CYP7B1: variants seen among roughly 807,000 people sequenced by gnomAD.
CYP7B1 encodes the protein cytochrome P450 family 7 subfamily B member 1, also known as cytochrome P450 7B1.
In CYP7B1, 29 loss-of-function variants were observed where a neutral mutation model predicts 42.7. That is an observed-to-expected ratio of 0.68 (90% CI 0.51 to 0.93). The LOEUF is 0.93. Among genes scored for constraint, CYP7B1 ranks in the 40% least tolerant of loss-of-function variants. The pLI, the probability that CYP7B1 is intolerant of heterozygous loss-of-function variation, is 0.00. For synonymous variants in CYP7B1, 235 were observed against 218.2 expected, an observed-to-expected ratio of 1.08 and a Z score of -0.68; for missense variants, 655 against 600.5, an observed-to-expected ratio of 1.09 and a Z score of -0.95.
intron 1 of CYP7B1, among the ~76,000 whole-genome samples, chr8:64,631,962 T>C (rs188544658): frequency 6.6e-6 from 1 of 152,324 alleles, no homozygotes; most frequent in Non-Finnish European, 1.5e-5. Context: ...TTGTACACTA[T>C]TGGTGGGACT....
Position 64,798,643 on chromosome 8 carries a change from T to C in CYP7B1, c.-56A>G. 1 of 1,432,030 alleles carries C rather than the reference T, an allele frequency of 7.0e-7. No homozygotes were observed. The allele number at this position is 1,432,030 out of a possible 1,614,324, so 88.7% of individuals were successfully genotyped here. On this transcript the variant is annotated 5_prime_UTR_variant, in exon 1 of 6. Coordinates refer to ENST00000310193, the MANE Select transcript of CYP7B1 (RefSeq NM_004820.5). ...CGGGGTCTGCCTGCGAACAGCGCGGTCGGCGACTCTGCAGCCTGCGGCGGC... is the reference window on the plus strand; with the variant it reads ...CGGGGTCTGCCTGCGAACAGCGCGGCCGGCGACTCTGCAGCCTGCGGCGGC...
At chr8:64,777,560 T>C (rs1323065331) in intron 1 of CYP7B1, among the ~76,000 whole-genome samples, 2 of 152,122 alleles carry the variant, frequency 1.3e-5, no homozygotes, top group African/African-American at 4.8e-5. Context: ...TATTTATTGA[T>C]GCAAAAGAAA....
intron 1 of CYP7B1, among the ~76,000 whole-genome samples, chr8:64,693,305 G>A (rs559727345): frequency 9.8e-5 from 15 of 152,312 alleles, no homozygotes; most frequent in South Asian, 2.1e-4. Context: ...ATATGTGTGC[G>A]TCCGTGTGTG....
chr8:64,750,206 A>C (rs987134904), intron 1 of CYP7B1, among the ~76,000 whole-genome samples: 21 of 152,204 alleles, frequency 1.4e-4, no homozygotes, highest in African/African-American at 5.1e-4. Flanking sequence ...AAATAAGAGT[A>C]AAGTTTCAGG....
intron 1 of CYP7B1, among the ~76,000 whole-genome samples, chr8:64,705,595 G>A (rs1185639857): frequency 6.6e-6 from 1 of 151,824 alleles, no homozygotes; most frequent in Non-Finnish European, 1.5e-5. Flanking sequence ...GATTTTTTGG[G>A]GGTGAGGGGA....
At chr8:64,745,891 C>A (rs138907952) in intron 1 of CYP7B1, among the ~76,000 whole-genome samples, 1 of 152,126 alleles carries the variant, frequency 6.6e-6, no homozygotes, top group Admixed American at 6.6e-5. Context: ...TCATCTAAAG[C>A]GTCCCTTTGC....
Position 64,596,827 on chromosome 8 carries a change from T to C in CYP7B1, c.1336A>G (p.Thr446Ala). The change falls in exon 6 of 6, where the codon ACC becomes GCC. Residue 446 changes from threonine to alanine, a missense_variant. Thr to Ala is a moderately conservative substitution (Grantham distance 58, BLOSUM62 0). Coordinates refer to ENST00000310193, the MANE Select transcript of CYP7B1 (RefSeq NM_004820.5). ...AAAAATCGGCCTGGACATTTGCTGG[T>C]TCCAGTTCCAAACGGCATTAGGTAA... Reference protein sequence around the residue: ...KCYLMPFGTGTSKCPGRFFAL... With the variant: ...KCYLMPFGTGASKCPGRFFAL... 6.2e-7 allele frequency: 1 copy of C among 1,614,116 alleles called. No individual in the cohort carries two copies. Among genetic ancestry groups the C allele is most frequent in the East Asian group, 2.2e-5 (1 of 44,858 alleles).
chr8:64,794,968 G>A (rs984729289), intron 1 of CYP7B1, among the ~76,000 whole-genome samples: 6 of 152,118 alleles, frequency 3.9e-5, no homozygotes, highest in African/African-American at 1.4e-4. Context: ...TGGCAAGGAT[G>A]TGGAGCAACG....
intron 2 of CYP7B1, among the ~76,000 whole-genome samples, chr8:64,620,644 G>A (rs1805515495): frequency 1.3e-5 from 2 of 152,216 alleles, no homozygotes; most frequent in African/African-American, 4.8e-5. Context: ...TATGAGACAA[G>A]AGCGGAAGAC....
At chr8:64,782,173 G>A (rs1294606779) in intron 1 of CYP7B1, among the ~76,000 whole-genome samples, 1 of 152,138 alleles carries the variant, frequency 6.6e-6, no homozygotes, top group African/African-American at 2.4e-5. Context: ...AGGTCCCAGT[G>A]TAGGGAAAGA....
intron 1 of CYP7B1, among the ~76,000 whole-genome samples, chr8:64,716,527 T>C (rs1476053549): frequency 6.6e-6 from 1 of 151,898 alleles, no homozygotes; most frequent in Non-Finnish European, 1.5e-5. Flanking sequence ...GCCAACATGG[T>C]GAAACCCCAT....
chr8:64,637,685 C>G (rs1021483519), intron 1 of CYP7B1, among the ~76,000 whole-genome samples: 1 of 152,122 alleles, frequency 6.6e-6, no homozygotes, highest in African/African-American at 2.4e-5. Flanking sequence ...TTGCAGTGTC[C>G]TTTGCTTAGG....
rs1165988320 is a variant in CYP7B1 at position 64,604,761 on chromosome 8, TAGTCCCCGGTCTCTGAACTGAG to T, written c.1132_1153del (p.Leu378ThrfsTer9). 3 of 1,614,034 alleles carry T rather than the reference TAGTCCCCGGTCTCTGAACTGAG, an allele frequency of 1.9e-6. No homozygotes were observed. Among genetic ancestry groups the T allele is most frequent in the African/African-American group, 2.7e-5 (2 of 74,910 alleles). On this transcript the variant is annotated frameshift_variant, in exon 5 of 6. Transcript: ENST00000310193. LOFTEE classifies it high-confidence loss of function. ...TACCAAGTCTCCCTTTCGCACACAG[TAGTCCCCGGTCTCTGAACTGAG>T]AGTCAAATCCTCCTCAACAAAACGA...
At chr8:64,610,430 T>G (rs1267651562) in intron 4 of CYP7B1, among the ~76,000 whole-genome samples, 1 of 152,182 alleles carries the variant, frequency 6.6e-6, no homozygotes, top group African/African-American at 2.4e-5. Context: ...GTTGCAAAAC[T>G]TCACTACTGT....
At chr8:64,715,704 GCTT>G (rs1405702951) in intron 1 of CYP7B1, among the ~76,000 whole-genome samples, 2 of 152,046 alleles carry the variant, frequency 1.3e-5, no homozygotes, top group East Asian at 1.9e-4. Context: ...AACTCCCACT[GCTT>G]CTTTCTACAC....
intron 1 of CYP7B1, among the ~76,000 whole-genome samples, chr8:64,751,545 A>G (rs1807725322): frequency 6.6e-6 from 1 of 152,186 alleles, no homozygotes; most frequent in Non-Finnish European, 1.5e-5. Flanking sequence ...TAAGGATGCA[A>G]TAAGTACATA....
At chr8:64,771,080 T>TTTTTA (rs61295651) in intron 1 of CYP7B1, among the ~76,000 whole-genome samples, 1 of 132,320 alleles carries the variant, frequency 7.6e-6, no homozygotes, top group Non-Finnish European at 1.6e-5. Flanking sequence ...TTTTTTTTTT[T>TTTTTA]AGACAGGGTC....
At chr8:64,679,413 TTTC>T (rs1408389236) in intron 1 of CYP7B1, among the ~76,000 whole-genome samples, 1 of 152,156 alleles carries the variant, frequency 6.6e-6, no homozygotes, top group Non-Finnish European at 1.5e-5. Context: ...TTAAAAACAT[TTTC>T]TTCCCTTTGA....
rs1256110736 is a variant in CYP7B1, at chr8:64,640,580, CTGCAAAATTCCA to C, written c.123-16053_123-16042del. Among the ~76,000 whole-genome samples the C allele has an allele frequency of 2.0e-5, 3 of 152,090 alleles. No individual in the cohort carries two copies. In the East Asian group the frequency reaches 5.8e-4, roughly 29 times the overall value. ...TTTTGCTGAACAATCCATATGACTT[CTGCAAAATTCCA>C]TAAATAGAACAGGGTCCTGAAACTA... On this transcript the variant is annotated intron_variant, in intron 1 of 5. Coordinates refer to ENST00000310193, the MANE Select transcript of CYP7B1 (RefSeq NM_004820.5).
Sources: allele counts gnomAD v4.1 joint callset (sites outside exome capture counted in the v4.1 genomes callset), GRCh38; gene constraint gnomAD v4.1.1; transcripts MANE v1.5; gene names NCBI Gene and HGNC (gene_info 2026-07-23, HGNC 2026-07-21).